The following PRELID2 variants were observed in gnomAD, a reference collection of about 807,000 sequenced individuals.
PRELID2 encodes PRELI domain containing 2.
PRELID2 carries 25 observed loss-of-function variants against 28.4 expected under a neutral mutation model. The ratio of observed to expected loss-of-function variants is 0.88; its 90% CI spans 0.64 to 1.23. The LOEUF (loss-of-function observed/expected upper bound fraction) is 1.23. Among genes scored for constraint, PRELID2 ranks in the 50% most tolerant of loss-of-function variants. The pLI is 0.00. For synonymous variants in PRELID2, 76 were observed against 71.6 expected, an observed-to-expected ratio of 1.06 and a Z score of -0.31; for missense variants, 201 against 214.4, an observed-to-expected ratio of 0.94 and a Z score of 0.39.
chr5:145,615,433 T>C (rs902136144), intron 1 of PRELID2, among the ~76,000 whole-genome samples: 4 of 140,524 alleles, frequency 2.8e-5, no homozygotes, highest in African/African-American at 1.1e-4. Context: ...TTCACGCCAT[T>C]CTCCTGCCTC....
At chr5:145,274,997 C>T in the PRELID2 span, among the ~76,000 whole-genome samples, 2 of 152,134 alleles carry the variant, frequency 1.3e-5, no homozygotes, top group African/African-American at 2.4e-5. Context: ...CACTCTGTCT[C>T]TGTTTCACCT....
the PRELID2 span, among the ~76,000 whole-genome samples, chr5:145,301,543 T>C: frequency 6.6e-6 from 1 of 152,148 alleles, no homozygotes; most frequent in African/African-American, 2.4e-5. Flanking sequence ...TCTTTTATGG[T>C]CTGTGCTTTC....
At chr5:145,417,224 G>A in the PRELID2 span, among the ~76,000 whole-genome samples, 10 of 151,990 alleles carry the variant, frequency 6.6e-5, no homozygotes, top group African/African-American at 2.2e-4. Context: ...CAAACAGATT[G>A]ATAATGAGTT....
At chr5:145,815,355 T>C (rs1163439179) in intron 4 of PRELID2, among the ~76,000 whole-genome samples, 1 of 152,194 alleles carries the variant, frequency 6.6e-6, no homozygotes, top group Non-Finnish European at 1.5e-5. Context: ...AAACACTATA[T>C]AAACTAATAA....
chr5:145,268,326 G>A, the PRELID2 span, among the ~76,000 whole-genome samples: 2 of 148,924 alleles, frequency 1.3e-5, no homozygotes, highest in Admixed American at 6.6e-5. Context: ...TATGGCAAAA[G>A]ATATGGGCTC....
chr5:145,375,079 C>T, the PRELID2 span, among the ~76,000 whole-genome samples: 1 of 152,276 alleles, frequency 6.6e-6, no homozygotes, highest in Non-Finnish European at 1.5e-5. Flanking sequence ...TTCGGGTTTT[C>T]AGCATATTTT....
At chr5:145,728,663 G>C (rs1756246705) in intron 1 of PRELID2, 1 of 1,487,338 alleles carries the variant, frequency 6.7e-7, no homozygotes, top group African/African-American at 1.4e-5. Context: ...CAATGAATTT[G>C]TGGTTATAGT....
chr5:145,778,225 T>C (rs1046619780), intron 5 of PRELID2, among the ~76,000 whole-genome samples: 1 of 152,174 alleles, frequency 6.6e-6, no homozygotes, highest in Non-Finnish European at 1.5e-5. Context: ...GCCTCCTCTC[T>C]GCTGACAGCT....
At chr5:145,301,157 G>C in the PRELID2 span, among the ~76,000 whole-genome samples, 1 of 151,986 alleles carries the variant, frequency 6.6e-6, no homozygotes, top group African/African-American at 2.4e-5. Flanking sequence ...CACATATTTA[G>C]TGCTGTCAAA....
In PRELID2 at chr5:145,480,670, C is replaced by T. The variant is rs780809130; in HGVS notation, n.71-7355G>A. On this transcript the variant is annotated intron_variant and non_coding_transcript_variant, in intron 1 of 2. Coordinates refer to the PRELID2 transcript ENST00000510259. Reference sequence around the variant, plus strand: ...ATAAAAAGGACTGTTTGACCAAGTGCCAGAACCAAGACTCCACCTAAGACT... The same window carrying T: ...ATAAAAAGGACTGTTTGACCAAGTGTCAGAACCAAGACTCCACCTAAGACT... 1.2e-4 allele frequency among the ~76,000 whole-genome samples: 19 copies of T among 152,044 alleles called. 1 individual carries two copies. Among genetic ancestry groups the T allele is most frequent in the South Asian group, 4.1e-4 (2 of 4,820 alleles).
chr5:145,263,058 A>C, the PRELID2 span, among the ~76,000 whole-genome samples: 29 of 152,080 alleles, frequency 1.9e-4, no homozygotes, highest in Non-Finnish European at 3.2e-4. Context: ...TCAGACAAAA[A>C]CCAACTTTAA....
At chr5:145,504,831 G>C (rs1025595393) in intron 1 of PRELID2, among the ~76,000 whole-genome samples, 2 of 152,042 alleles carry the variant, frequency 1.3e-5, no homozygotes, top group Non-Finnish European at 2.9e-5. Flanking sequence ...TTACCTAGTA[G>C]GTCCCTGTAA....
At chr5:145,446,550 T>C in the PRELID2 span, among the ~76,000 whole-genome samples, 21 of 152,260 alleles carry the variant, frequency 1.4e-4, no homozygotes, top group Middle Eastern at 3.4e-3. Flanking sequence ...CAAGAACCTA[T>C]GTAAGTTTAA....
chr5:145,687,986 C>A (rs1188294551), intron 1 of PRELID2, among the ~76,000 whole-genome samples: 5 of 152,212 alleles, frequency 3.3e-5, no homozygotes, highest in Non-Finnish European at 7.3e-5. Context: ...TTGCATGGTG[C>A]AGCCTCAGAA....
At chr5:145,728,697 G>C in intron 1 of PRELID2, 3 of 1,557,946 alleles carry the variant, frequency 1.9e-6, no homozygotes, top group Non-Finnish European at 2.6e-6. Flanking sequence ...TTTCACTTCA[G>C]CAAGTCCAAA....
the PRELID2 span, among the ~76,000 whole-genome samples, chr5:145,346,680 A>G: frequency 6.6e-5 from 10 of 152,150 alleles, no homozygotes; most frequent in Non-Finnish European, 1.2e-4. Flanking sequence ...ATTATTGACA[A>G]AACCATCTGG....
intron 1 of PRELID2, among the ~76,000 whole-genome samples, chr5:145,823,965 T>A (rs761577038): frequency 7.2e-5 from 11 of 152,188 alleles, no homozygotes; most frequent in Admixed American, 2.0e-4. Flanking sequence ...TTGCTCAAAT[T>A]GTCCAGCTAA....
At chr5:145,558,211 T>C (rs1752897423) in intron 1 of PRELID2, among the ~76,000 whole-genome samples, 1 of 152,184 alleles carries the variant, frequency 6.6e-6, no homozygotes. Context: ...AGAAATGAGA[T>C]AACGTATTTG....
chr5:145,471,739 T>G (rs114633732), downstream of PRELID2: 252 of 152,246 alleles, frequency 1.7e-3, no homozygotes, highest in African/African-American at 5.3e-3. Flanking sequence ...TGTGGCATTT[T>G]AAGGTTAAGG....
Sources: gnomAD v4.1 joint callset for allele counts (sites outside exome capture counted in the v4.1 genomes callset) on GRCh38, gnomAD v4.1.1 for gene constraint, MANE v1.5 for transcripts, NCBI Gene and HGNC (gene_info 2026-07-23, HGNC 2026-07-21) for gene names.